Variants in BRD7 observed in about 807,000 individuals in gnomAD.
BRD7 encodes bromodomain containing 7.
BRD7 carries 15 observed loss-of-function variants against 82.1 expected under a neutral mutation model. The observed-to-expected ratio is 0.18, with a 90% CI of 0.12 to 0.28. The LOEUF (loss-of-function observed/expected upper bound fraction) is 0.28. Ranked by LOEUF, BRD7 falls within the 10% of genes least tolerant of loss-of-function variation. The probability of loss-of-function intolerance (pLI) is 1.00; values close to 1 mark genes in which losing one functional copy is unlikely to be tolerated. For synonymous variants in BRD7, 232 were observed against 266.9 expected (o/e 0.87, Z 1.27); for missense variants, 638 against 779.9 (o/e 0.82, Z 2.17).
chr16:50,342,103 G>A (rs112627555), intron 5 of BRD7, among the ~76,000 whole-genome samples: 35 of 152,076 alleles, frequency 2.3e-4, no homozygotes, highest in African/African-American at 5.1e-4. Context: ...ACCCTAACCT[G>A]CTTAAAAACA....
chr16:50,358,208 C>T (rs1343666637), intron 2 of BRD7, among the ~76,000 whole-genome samples: 1 of 152,140 alleles, frequency 6.6e-6, no homozygotes, highest in African/African-American at 2.4e-5. Context: ...AACCTATGCT[C>T]TAAGAGTCCA....
At chr16:50,344,605 G>A (rs914339901) in intron 5 of BRD7, among the ~76,000 whole-genome samples, 11 of 152,152 alleles carry the variant, frequency 7.2e-5, no homozygotes, top group Non-Finnish European at 1.5e-5. Flanking sequence ...ATGGCACGAG[G>A]ACTACGTGAT....
At chr16:50,319,703 T>C (rs748002075) in intron 16 of BRD7, among the ~76,000 whole-genome samples, 184 bp downstream of exon 16, 70 of 152,342 alleles carry the variant, frequency 4.6e-4, no homozygotes, top group Non-Finnish European at 9.0e-4. Flanking sequence ...TGAAGTATAC[T>C]GGAGGTTGTG....
chr16:50,348,085 A>G (rs1286064903), intron 5 of BRD7, among the ~76,000 whole-genome samples: 1 of 152,258 alleles, frequency 6.6e-6, no homozygotes, highest in Non-Finnish European at 1.5e-5. Flanking sequence ...GGAACAGAAC[A>G]GAGCACTCAG....
chr16:50,336,978 A>G (rs1389774167), intron 6 of BRD7, among the ~76,000 whole-genome samples: 2 of 152,218 alleles, frequency 1.3e-5, no homozygotes, highest in Non-Finnish European at 2.9e-5. Flanking sequence ...GCTAACATTT[A>G]CTTAGTGCTT....
Position 50,328,676 on chromosome 16 carries a change from A to G in BRD7, c.1080T>C (p.Ile360=). The G allele has an allele frequency of 6.2e-7, 1 of 1,613,454 alleles. No individual in the cohort carries two copies. The highest frequency in any genetic ancestry group is 8.5e-7 in the Non-Finnish European group (1 of 1,179,814). The change falls in exon 9 of 17, where the codon ATT becomes ATC. Residue 360 remains isoleucine, a synonymous_variant. Coordinates refer to ENST00000394688, the MANE Select transcript of BRD7 (RefSeq NM_013263.5). ...TLGLLHPVDP[I]VGEPGYCPVR... is the part of the protein sequence containing the mutation. ...GTTTTACTCTGATCCTACCTCCTACAATGGGATCCACAGGATGGAGAAGTC... is the reference window on the plus strand; with the variant it reads ...GTTTTACTCTGATCCTACCTCCTACGATGGGATCCACAGGATGGAGAAGTC...
chr16:50,320,722 A>C lies in BRD7; in HGVS notation c.1553T>G (p.Leu518Arg). The change falls in exon 14 of 17, where the codon CTC (leucine) becomes CGC (arginine). Residue 518 changes from leucine (L) to arginine (R), a missense_variant. By Grantham distance (102) the Leu-to-Arg change is moderately radical. Coordinates refer to ENST00000394688, the MANE Select transcript of BRD7 (RefSeq NM_013263.5). ...ATTTGTTACTGCTTTCAGCGCTATG[A>C]GCCTGTCTTGAGTACTGGAGTCCAA... ...GRLDSSTQDR[L>R]IALKAVTNFG... 1 of 1,614,190 alleles carries C rather than the reference A, an allele frequency of 6.2e-7. No individual in the cohort carries two copies.
Position 50,336,519 on chromosome 16 carries a change from G to A in BRD7, c.703-1624C>T, listed in dbSNP as rs540217967. Among the ~76,000 whole-genome samples, 6 of 152,172 alleles carry A rather than the reference G, an allele frequency of 3.9e-5. No homozygotes were observed. The South Asian group carries it at 1.0e-3, about 26-fold the overall frequency. On this transcript the variant is annotated intron_variant, in intron 6 of 16. Transcript: ENST00000394688. The stretch of plus-strand genomic sequence containing the variant: ...AGAGGTTGCAGTGAGCCGAGATTGC[G>A]CCACTGCACTCCAGCCTGGGTGACA...
At chr16:50,347,096 C>T (rs1210633307) in intron 5 of BRD7, among the ~76,000 whole-genome samples, 7 of 152,208 alleles carry the variant, frequency 4.6e-5, no homozygotes, top group African/African-American at 9.7e-5. Flanking sequence ...GGAGGCAAGG[C>T]TGGTTCAATA....
intron 5 of BRD7, among the ~76,000 whole-genome samples, chr16:50,343,052 T>C (rs554712866): frequency 5.1e-4 from 77 of 152,320 alleles, no homozygotes; most frequent in African/African-American, 1.7e-3. Flanking sequence ...GCTCAACAAA[T>C]ATAGCCAAAA....
At chr16:50,346,724 C>A (rs186299581) in intron 5 of BRD7, among the ~76,000 whole-genome samples, 21 of 152,142 alleles carry the variant, frequency 1.4e-4, no homozygotes, top group African/African-American at 4.8e-4. Context: ...CAGGAAGAAG[C>A]TGAATCCCTG....
At chr16:50,366,534 T>TC (rs1347179177) in intron 2 of BRD7, among the ~76,000 whole-genome samples, 3 of 152,256 alleles carry the variant, frequency 2.0e-5, no homozygotes. Flanking sequence ...TTGTCTACAA[T>TC]CACTTTAATA....
intron 4 of BRD7, among the ~76,000 whole-genome samples, chr16:50,353,977 A>T (rs1284107120): frequency 6.6e-6 from 1 of 152,142 alleles, no homozygotes; most frequent in African/African-American, 2.4e-5. Flanking sequence ...AGGCACTGAA[A>T]TTTTTAGAAC....
At chr16:50,358,449 T>C (rs2038823008) in intron 2 of BRD7, among the ~76,000 whole-genome samples, 1 of 145,154 alleles carries the variant, frequency 6.9e-6, no homozygotes, top group Non-Finnish European at 1.5e-5. Flanking sequence ...TAAGTCGAGA[T>C]TGCACCACTG....
chr16:50,353,434 A>T (rs1248709274), intron 4 of BRD7, among the ~76,000 whole-genome samples: 5 of 152,138 alleles, frequency 3.3e-5, no homozygotes, highest in Non-Finnish European at 7.3e-5. Flanking sequence ...AATTATTTAC[A>T]ATGTGTTCTG....
chr16:50,322,271 A>G (rs2037152065), intron 12 of BRD7, among the ~76,000 whole-genome samples: 1 of 152,256 alleles, frequency 6.6e-6, no homozygotes, highest in South Asian at 2.1e-4. Flanking sequence ...ATCAAAAGCT[A>G]TATACATGTT....
chr16:50,366,841 AG>A (rs1052477126), intron 2 of BRD7, among the ~76,000 whole-genome samples: 35 of 152,334 alleles, frequency 2.3e-4, no homozygotes, highest in Non-Finnish European at 4.0e-4. Flanking sequence ...ACCTCTGAAG[AG>A]GGAGTCTATG....
intron 5 of BRD7, among the ~76,000 whole-genome samples, chr16:50,344,178 C>A (rs1237499507): frequency 1.3e-5 from 2 of 152,214 alleles, no homozygotes; most frequent in Non-Finnish European, 1.5e-5. Flanking sequence ...CAAACTCCAA[C>A]AGACCTGCAG....
chr16:50,350,251 C>A (rs2038463045), intron 4 of BRD7, 84 bp from the exon 5 acceptor site: 1 of 1,007,878 alleles, frequency 9.9e-7, no homozygotes, highest in Non-Finnish European at 1.3e-6. Flanking sequence ...TCAGAGGAAA[C>A]CCTTCAGATG....
Sources: gnomAD v4.1 joint callset for allele counts (sites outside exome capture counted in the v4.1 genomes callset) on GRCh38, gnomAD v4.1.1 for gene constraint, MANE v1.5 for transcripts, NCBI Gene and HGNC (gene_info 2026-07-23, HGNC 2026-07-21) for gene names.